The following HMGB1 variants were observed in gnomAD, a reference collection of about 807,000 sequenced individuals.
The protein encoded by HMGB1 is high mobility group box 1.
For missense variants in HMGB1, 79 were observed against 253.5 expected, an observed-to-expected ratio of 0.31 and a Z score of 4.67; for synonymous variants, 81 against 84.0, an observed-to-expected ratio of 0.96 and a Z score of 0.19.
At chr13:30,541,943 A>C (rs528109571) in intron 1 of HMGB1, 1 of 152,670 alleles carries the variant, frequency 6.6e-6, no homozygotes, top group African/African-American at 2.4e-5. Context: ...ATATGCCTGA[A>C]GCTCAGCTTG....
chr13:30,613,853 T>C (rs1283514572), intron 1 of HMGB1, among the ~76,000 whole-genome samples: 1 of 151,918 alleles, frequency 6.6e-6, no homozygotes, highest in Non-Finnish European at 1.5e-5. Flanking sequence ...ATGATGTACG[T>C]AGAAAGGTCT....
intron 1 of HMGB1, among the ~76,000 whole-genome samples, chr13:30,506,995 G>C (rs1887884066): frequency 6.6e-6 from 1 of 152,180 alleles, no homozygotes; most frequent in Non-Finnish European, 1.5e-5. Context: ...TCTATAGGGA[G>C]GCGATCCCTC....
At chr13:30,591,739 C>T (rs1377748208) in intron 1 of HMGB1, among the ~76,000 whole-genome samples, 2 of 152,024 alleles carry the variant, frequency 1.3e-5, no homozygotes, top group African/African-American at 2.4e-5. Context: ...TGGGCTCAAG[C>T]GATCCTCCCA....
At chr13:30,586,041 A>G (rs547490239) in intron 1 of HMGB1, among the ~76,000 whole-genome samples, 39 of 152,308 alleles carry the variant, frequency 2.6e-4, no homozygotes, top group African/African-American at 7.7e-4. Flanking sequence ...CAAATCCAGC[A>G]GACACCTCCT....
intron 1 of HMGB1, among the ~76,000 whole-genome samples, chr13:30,545,190 T>C (rs2137506414): frequency 6.6e-6 from 1 of 152,084 alleles, no homozygotes; most frequent in African/African-American, 2.4e-5. Context: ...AAAATGCTGA[T>C]GGATGTGAGG....
Position 30,538,510 on chromosome 13 carries a change from C to CTTTT in HMGB1, c.-14-74817_-14-74816insAAAA, listed in dbSNP as rs1164550479. ...TCTTTCTTTCTTTCTTTCTTTCTTTCCTTTCTTTCTTTCCTTTCTTTCTTT... is the reference window on the plus strand; with the variant it reads ...TCTTTCTTTCTTTCTTTCTTTCTTTCTTTTCTTTCTTTCTTTCCTTTCTTTCTTT... On this transcript the variant is annotated intron_variant, in intron 1 of 4. Transcript: ENST00000405805. 6.1e-5 allele frequency among the ~76,000 whole-genome samples: 5 copies of CTTTT among 82,266 alleles called. No homozygotes were observed. The East Asian group carries it at 1.3e-3, about 21-fold the overall frequency. 54.0% of individuals were successfully genotyped at this position (82,266 alleles called of 152,430 possible).
In HMGB1 at chr13:30,488,645, TTTATTATTATTATTATTATTA is replaced by T. The variant is rs58604214; in HGVS notation, c.-14-24972_-14-24952del. On this transcript the variant is annotated intron_variant, in intron 1 of 4. Transcript: ENST00000405805. ...GCTACAAGCCTGGCTAATTTTTAATTTTATTATTATTATTATTATTATTATTATTATTATTATTATTATTAT... is the reference window on the plus strand; with the variant it reads ...GCTACAAGCCTGGCTAATTTTTAATTTTATTATTATTATTATTATTATTAT... Among the ~76,000 whole-genome samples, 940 of 137,850 alleles carry T rather than the reference TTTATTATTATTATTATTATTA, an allele frequency of 6.8e-3. 2 individuals carry two copies. Among genetic ancestry groups the T allele is most frequent in the African/African-American group, 0.019 (686 of 36,928 alleles). 90.4% of individuals were successfully genotyped at this position (137,850 alleles called of 152,430 possible). A position where few individuals can be genotyped will look rare whatever the true frequency, so the allele number is the denominator to read the frequency against.
chr13:30,534,407 T>C lies in HMGB1; in HGVS notation c.-14-70713A>G, dbSNP rs569076213. 9.9e-5 allele frequency among the ~76,000 whole-genome samples: 15 copies of C among 151,830 alleles called. No homozygotes were observed. The South Asian group carries it at 3.1e-3, about 32-fold the overall frequency. ...CGAGCACAATATAATACCCTTCACG[T>C]TGGACTTGTATAGCTTGATCATTAA... On this transcript the variant is annotated intron_variant, in intron 1 of 4. Transcript: ENST00000405805.
At chr13:30,513,432 C>T (rs1390847341) in intron 1 of HMGB1, among the ~76,000 whole-genome samples, 1 of 152,206 alleles carries the variant, frequency 6.6e-6, no homozygotes, top group African/African-American at 2.4e-5. Context: ...AAAACATCTG[C>T]ACAGGTGTGT....
chr13:30,507,910 T>C (rs573323044), intron 1 of HMGB1, among the ~76,000 whole-genome samples: 14 of 152,036 alleles, frequency 9.2e-5, no homozygotes, highest in African/African-American at 2.9e-4. Context: ...ATCGGGAGGA[T>C]CGCTTGAGCC....
intron 1 of HMGB1, chr13:30,539,987 G>C (rs984914618): frequency 6.3e-6 from 1 of 158,070 alleles, no homozygotes; most frequent in Non-Finnish European, 1.4e-5. Context: ...TGGAAAACTG[G>C]GTGAAAGCAC....
upstream of HMGB1, among the ~76,000 whole-genome samples, chr13:30,468,406 C>T (rs1886848217): frequency 6.6e-6 from 1 of 152,150 alleles, no homozygotes; most frequent in Non-Finnish European, 1.5e-5. Context: ...AGGCATGCGC[C>T]ACCATGCCCG....
At chr13:30,557,076 A>G (rs1343152188) in intron 1 of HMGB1, among the ~76,000 whole-genome samples, 1 of 152,194 alleles carries the variant, frequency 6.6e-6, no homozygotes, top group East Asian at 1.9e-4. Context: ...AATCCTTAAG[A>G]TGCTAAAGTT....
At chr13:30,607,798 C>T (rs1356949470) in intron 1 of HMGB1, among the ~76,000 whole-genome samples, 1 of 152,026 alleles carries the variant, frequency 6.6e-6, no homozygotes, top group Non-Finnish European at 1.5e-5. Context: ...TAATCTCTAG[C>T]TAGCAAATTT....
At chr13:30,466,173 G>GGT (rs1277655025), upstream of HMGB1, among the ~76,000 whole-genome samples, 2 of 152,182 alleles carry the variant, frequency 1.3e-5, no homozygotes, top group African/African-American at 4.8e-5. Flanking sequence ...AGAGCTCTAT[G>GGT]GTGTATGTGT....
chr13:30,592,862 GCTT>G (rs1171628643), intron 1 of HMGB1, among the ~76,000 whole-genome samples: 21 of 145,134 alleles, frequency 1.4e-4, no homozygotes, highest in African/African-American at 4.4e-4. Flanking sequence ...AAAATTTAGT[GCTT>G]TTTTTTAAAA....
intron 1 of HMGB1, among the ~76,000 whole-genome samples, chr13:30,508,734 T>C (rs1593282161): frequency 6.6e-6 from 1 of 152,072 alleles, no homozygotes; most frequent in South Asian, 2.1e-4. Context: ...CTCTCAAATT[T>C]CTCTAAATTT....
At chr13:30,545,922 G>C (rs927465335) in intron 1 of HMGB1, among the ~76,000 whole-genome samples, 2 of 152,026 alleles carry the variant, frequency 1.3e-5, no homozygotes, top group African/African-American at 4.8e-5. Flanking sequence ...AGCTGGTCTT[G>C]AACTCCTGGG....
chr13:30,465,603 G>A (rs2137411393), intron 1 of HMGB1, among the ~76,000 whole-genome samples, 193 bp downstream of exon 1: 1 of 151,542 alleles, frequency 6.6e-6, no homozygotes, highest in African/African-American at 2.4e-5. Flanking sequence ...GAGGGCCGGG[G>A]CACCGGCGCG....
Sources: allele counts gnomAD v4.1 joint callset (sites outside exome capture counted in the v4.1 genomes callset), GRCh38; gene constraint gnomAD v4.1.1; transcripts MANE v1.5; gene names NCBI Gene and HGNC (gene_info 2026-07-23, HGNC 2026-07-21).